Variants in NOL4 observed in about 807,000 individuals in gnomAD.
NOL4 encodes the protein cancer/testis antigen 125.
Under a neutral mutation model 75.9 loss-of-function variants are expected in NOL4, and 17 were observed. The ratio of observed to expected loss-of-function variants is 0.22; its 90% confidence interval spans 0.15 to 0.34. The LOEUF is 0.34. Among genes scored for constraint, NOL4 ranks in the 10% least tolerant of loss-of-function variants. The pLI is 1.00. For missense variants in NOL4, 614 were observed against 793.5 expected, an observed-to-expected ratio of 0.77 and a Z score of 2.72; for synonymous variants, 292 against 289.9, an observed-to-expected ratio of 1.01 and a Z score of -0.07.
intron 5 of NOL4, among the ~76,000 whole-genome samples, chr18:34,044,253 A>G (rs999983253): frequency 2.6e-5 from 4 of 152,064 alleles, no homozygotes; most frequent in African/African-American, 9.7e-5. Context: ...TCAGGACCAC[A>G]ATGATATAAA....
At chr18:33,900,611 G>A (rs969919415) in intron 9 of NOL4, among the ~76,000 whole-genome samples, 8 of 151,960 alleles carry the variant, frequency 5.3e-5, no homozygotes, top group African/African-American at 1.7e-4. Context: ...ATTTGAAACG[G>A]AAGGAAAAAA....
intron 1 of NOL4, among the ~76,000 whole-genome samples, chr18:34,131,879 C>A (rs1390247435): frequency 6.6e-6 from 1 of 152,132 alleles, no homozygotes; most frequent in Non-Finnish European, 1.5e-5. Context: ...CAGTTTAATG[C>A]AGAAAATAGG....
intron 6 of NOL4, among the ~76,000 whole-genome samples, chr18:33,980,039 T>C (rs1489532246): frequency 1.3e-5 from 2 of 152,074 alleles, no homozygotes; most frequent in Non-Finnish European, 2.9e-5. Flanking sequence ...AGCTTAGTTG[T>C]TGCCACTCCA....
At chr18:34,034,827 A>C (rs1178026672) in intron 5 of NOL4, among the ~76,000 whole-genome samples, 1 of 152,030 alleles carries the variant, frequency 6.6e-6, no homozygotes, top group Non-Finnish European at 1.5e-5. Context: ...ACTTCAAGTC[A>C]AAAACACTAA....
intron 5 of NOL4, among the ~76,000 whole-genome samples, chr18:34,089,380 C>T (rs1204463414): frequency 1.3e-5 from 2 of 152,044 alleles, no homozygotes; most frequent in African/African-American, 2.4e-5. Flanking sequence ...ATAGTTTTTC[C>T]AGACTTCAGA....
At chr18:34,026,663 A>C (rs1383967042) in intron 5 of NOL4, among the ~76,000 whole-genome samples, 1 of 152,108 alleles carries the variant, frequency 6.6e-6, no homozygotes, top group Non-Finnish European at 1.5e-5. Context: ...TTGTCTAAAA[A>C]CTTTGATATT....
chr18:33,859,232 G>C (rs2062978011), intron 10 of NOL4, among the ~76,000 whole-genome samples: 1 of 151,850 alleles, frequency 6.6e-6, no homozygotes, highest in Non-Finnish European at 1.5e-5. Flanking sequence ...TACTAAATTA[G>C]TTATATTCCA....
At chr18:34,161,478 T>C (rs2031468519) in intron 1 of NOL4, among the ~76,000 whole-genome samples, 1 of 152,212 alleles carries the variant, frequency 6.6e-6, no homozygotes, top group South Asian at 2.1e-4. Flanking sequence ...ATTATGTTTA[T>C]TCCTTCTTCT....
At chr18:33,931,211 C>G (rs570747908) in intron 9 of NOL4, among the ~76,000 whole-genome samples, 1 of 152,256 alleles carries the variant, frequency 6.6e-6, no homozygotes, top group South Asian at 2.1e-4. Context: ...AAGAATTAAT[C>G]TGACAATTTA....
chr18:34,000,112 T>C (rs2073588997), intron 6 of NOL4, among the ~76,000 whole-genome samples: 2 of 152,158 alleles, frequency 1.3e-5, no homozygotes, highest in South Asian at 4.1e-4. Context: ...TGGGAACATA[T>C]CTCATCCAAG....
intron 5 of NOL4, among the ~76,000 whole-genome samples, chr18:34,065,561 T>C (rs2077238522): frequency 6.6e-6 from 1 of 151,776 alleles, no homozygotes; most frequent in Non-Finnish European, 1.5e-5. Context: ...TTAAATCAAT[T>C]GTGCTACTAG....
At chr18:34,075,508 A>G (rs1252515057) in intron 5 of NOL4, among the ~76,000 whole-genome samples, 1 of 152,100 alleles carries the variant, frequency 6.6e-6, no homozygotes, top group East Asian at 1.9e-4. Context: ...GGAATTTTCC[A>G]CTTGTGGCAT....
At chr18:34,150,580 A>G (rs2081598489) in intron 1 of NOL4, among the ~76,000 whole-genome samples, 1 of 151,746 alleles carries the variant, frequency 6.6e-6, no homozygotes, top group African/African-American at 2.4e-5. Flanking sequence ...TTCAAAAAGA[A>G]AACTGAAAAT....
chr18:34,027,269 CAT>C (rs1304778672), intron 5 of NOL4, among the ~76,000 whole-genome samples: 1 of 152,116 alleles, frequency 6.6e-6, no homozygotes, highest in Non-Finnish European at 1.5e-5. Flanking sequence ...AGGGAGCTCT[CAT>C]GTGGGTTGGA....
At chr18:33,856,598 C>A (rs534298081) in intron 10 of NOL4, among the ~76,000 whole-genome samples, 1 of 152,068 alleles carries the variant, frequency 6.6e-6, no homozygotes, top group Non-Finnish European at 1.5e-5. Context: ...AAGCAATAGA[C>A]TATGAAATGT....
intron 1 of NOL4, among the ~76,000 whole-genome samples, chr18:34,187,202 T>C (rs986253710): frequency 1.3e-5 from 2 of 152,108 alleles, no homozygotes; most frequent in Non-Finnish European, 2.9e-5. Context: ...CCCTCCTCCT[T>C]AACCCCATAA....
At chr18:34,182,491 A>G (rs977338450) in intron 1 of NOL4, among the ~76,000 whole-genome samples, 5 of 151,690 alleles carry the variant, frequency 3.3e-5, no homozygotes, top group Admixed American at 1.3e-4. Context: ...TGATGGTTGC[A>G]CAGCCTTGTG....
At chr18:34,042,312 T>G (rs1456400360) in intron 5 of NOL4, among the ~76,000 whole-genome samples, 5 of 151,916 alleles carry the variant, frequency 3.3e-5, no homozygotes, top group African/African-American at 1.2e-4. Flanking sequence ...AAGACATCCC[T>G]CCCACCAAAC....
At chr18:34,104,802 T>C (rs190474773) in intron 3 of NOL4, among the ~76,000 whole-genome samples, 29 of 151,850 alleles carry the variant, frequency 1.9e-4, no homozygotes, top group Non-Finnish European at 1.5e-5. Flanking sequence ...ATATAATAAA[T>C]GAAAATTAAA....
Sources: gnomAD v4.1 joint callset for allele counts (sites outside exome capture counted in the v4.1 genomes callset) on GRCh38, gnomAD v4.1.1 for gene constraint, MANE v1.5 for transcripts, NCBI Gene and HGNC (gene_info 2026-07-23, HGNC 2026-07-21) for gene names.